Variants in KIR3DL1 observed in about 807,000 individuals in gnomAD.
The protein encoded by KIR3DL1 is killer cell immunoglobulin like receptor, three Ig domains and long cytoplasmic tail 1.
A neutral mutation model predicts 40.3 loss-of-function variants in KIR3DL1; 50 were observed. The ratio of observed to expected loss-of-function variants is 1.24; its 90% CI spans 0.99 to 1.57. KIR3DL1 has a LOEUF of 1.57. Among genes scored for constraint, KIR3DL1 ranks in the 40% most tolerant of loss-of-function variants. The pLI, the probability that KIR3DL1 is intolerant of heterozygous loss-of-function variation, is 0.00. For synonymous variants in KIR3DL1, 257 were observed against 207.2 expected (o/e 1.24, Z -2.07); for missense variants, 661 against 559.9 (o/e 1.18, Z -1.82).
intron 6 of KIR3DL1, 47 bp from the exon 7 acceptor site, chr19:54,829,314 A>G (rs764866513): frequency 7.4e-7 from 1 of 1,349,144 alleles, no homozygotes; most frequent in Non-Finnish European, 1.0e-6. Flanking sequence ...ATTCATATAG[A>G]GAAACTGCTA....
rs1460616438 is a variant in KIR3DL1 at position 54,830,153 on chromosome 19, G to A, written c.1213G>A (p.Val405Ile). The change falls in exon 9 of 9, where the codon GTT (valine) becomes ATT (isoleucine). Residue 405 changes from valine to isoleucine, a missense_variant. Val to Ile is a conservative substitution (Grantham distance 29). Around this residue, in one of 3 missense-constraint regions of KIR3DL1, gnomAD observed 107 missense variants for 129.4 expected, o/e 0.83. Coordinates refer to ENST00000391728, the Ensembl canonical transcript of KIR3DL1. ...GACATACGCACAGTTGGATCACTGC[G>A]TTTTCACACAGAGAAAAATCACTCG... 13 of 1,524,160 alleles carry A rather than the reference G, an allele frequency of 8.5e-6. 1 individual carries two copies. Among genetic ancestry groups the A allele is most frequent in the Admixed American group, 1.8e-5 (1 of 55,376 alleles). 94.4% of individuals were successfully genotyped at this position (1,524,160 alleles called of 1,614,324 possible). A position where few individuals can be genotyped will look rare whatever the true frequency, so the allele number is the denominator to read the frequency against.
At chr19:54,829,953 T>A in exon 8 of KIR3DL1, 1 of 1,528,886 alleles carries the variant, frequency 6.5e-7, no homozygotes, top group Non-Finnish European at 8.9e-7. Context: ...ACCAAGAGCC[T>A]GCAGGGAACA....
In KIR3DL1 at chr19:54,821,717, C is replaced by A. The variant is rs374761764; in HGVS notation, c.808C>A (p.Arg270Ser). ...CCATGAACGTAGGCTCCCTGCAGTGCGCAAGGTCAACAGAACATTCCAGGC... is the reference window on the plus strand; with the variant it reads ...CCATGAACGTAGGCTCCCTGCAGTGAGCAAGGTCAACAGAACATTCCAGGC... The change falls in exon 5 of 9, where the codon CGC becomes AGC. Residue 270 changes from arginine to serine, a missense_variant. Arg to Ser is a moderately radical substitution (Grantham distance 110). Coordinates refer to ENST00000391728, the Ensembl canonical transcript of KIR3DL1. 1.9e-5 allele frequency: 30 copies of A among 1,608,892 alleles called. No homozygotes were observed. The African/African-American group carries it at 4.0e-4, about 22-fold the overall frequency.
At position 54,818,385 on chromosome 19, in the gene KIR3DL1, T is replaced by TC; in HGVS notation, c.142dup (p.Arg48ProfsTer7). 1.2e-6 allele frequency: 2 copies of TC among 1,607,034 alleles called. No homozygotes were observed. Among genetic ancestry groups the TC allele is most frequent in the Non-Finnish European group, 1.7e-6 (2 of 1,178,236 alleles). On this transcript the variant is annotated frameshift_variant, in exon 3 of 9. Transcript: ENST00000391728. LOFTEE classifies it high-confidence loss of function. Reference sequence around the variant, plus strand: ...TGCCTCGAGGAGGACACGTGACTCTTCGGTGTCACTATCGTCATAGGTTTA... The same window carrying TC: ...TGCCTCGAGGAGGACACGTGACTCTTCCGGTGTCACTATCGTCATAGGTTTA...
chr19:54,823,500 T>C (rs535597666), intron 5 of KIR3DL1, among the ~76,000 whole-genome samples: 1 of 151,448 alleles, frequency 6.6e-6, no homozygotes, highest in Non-Finnish European at 1.5e-5. Context: ...TTATTTTATT[T>C]ATTTATTTAT....
At chr19:54,821,001 A>AGG in intron 4 of KIR3DL1, among the ~76,000 whole-genome samples, 1 of 135,028 alleles carries the variant, frequency 7.4e-6, no homozygotes, top group Non-Finnish European at 1.7e-5. Context: ...GATGATACAT[A>AGG]GAGATGACGA....
chr19:54,818,018 C>T (rs2061434933), intron 2 of KIR3DL1, among the ~76,000 whole-genome samples: 1 of 148,956 alleles, frequency 6.7e-6, no homozygotes, highest in Non-Finnish European at 1.5e-5. Context: ...GGCTGATATT[C>T]CATTCACATA....
chr19:54,821,348 G>T (rs2061622674), intron 4 of KIR3DL1, among the ~76,000 whole-genome samples: 2 of 150,974 alleles, frequency 1.3e-5, no homozygotes. Flanking sequence ...AATCCAAAAA[G>T]GGAAAACATA....
Position 54,827,469 on chromosome 19 carries a change from G to A in KIR3DL1, c.1001-1892G>A, listed in dbSNP as rs184337323. Among the ~76,000 whole-genome samples the A allele has an allele frequency of 4.3e-4, 64 of 150,174 alleles. 2 individuals carry two copies. Among genetic ancestry groups the A allele is most frequent in the Admixed American group, 1.2e-3 (18 of 15,132 alleles). ...TCTCCTAAAAATACAAAAATTAGCC[G>A]AGCATGGTGGTGCATCCCTGTAATC... On this transcript the variant is annotated intron_variant, in intron 6 of 8. Coordinates refer to ENST00000391728, the Ensembl canonical transcript of KIR3DL1.
At position 54,821,254 on chromosome 19, in the gene KIR3DL1, A is replaced by C. The variant is rs186431827; in HGVS notation, c.656-311A>C. On this transcript the variant is annotated intron_variant, in intron 4 of 8. Transcript: ENST00000391728. ...GATAGAAATGTGCAGAAAGTTATGAACAAGACAGAAAGTGAGAGACTCAAA... is the reference window on the plus strand; with the variant it reads ...GATAGAAATGTGCAGAAAGTTATGACCAAGACAGAAAGTGAGAGACTCAAA... Among the ~76,000 whole-genome samples, 358 of 151,118 alleles carry C rather than the reference A, an allele frequency of 2.4e-3. 9 individuals carry two copies. Among genetic ancestry groups the C allele is most frequent in the Non-Finnish European group, 1.9e-3 (131 of 67,846 alleles).
rs2062163387 is a variant in KIR3DL1 at position 54,830,386 on chromosome 19, C to A, written c.*111C>A. On this transcript the variant is annotated 3_prime_UTR_variant, in exon 9 of 9. Coordinates refer to ENST00000391728, the Ensembl canonical transcript of KIR3DL1. The stretch of plus-strand genomic sequence containing the variant: ...GCTGGAATCTGAAGGCGTGAGTCTT[C>A]ATCTTAGGGCATCGCTCCTCCTCAC... 3 of 1,223,506 alleles carry A rather than the reference C, an allele frequency of 2.5e-6. 1 individual carries two copies. 75.8% of individuals were successfully genotyped at this position (1,223,506 alleles called of 1,614,324 possible). A position where few individuals can be genotyped will look rare whatever the true frequency, so the allele number is the denominator to read the frequency against.
chr19:54,821,447 TGAGAGA>T, intron 4 of KIR3DL1, 112 bp from the exon 5 acceptor site: 3 of 1,120,514 alleles, frequency 2.7e-6, no homozygotes, highest in Middle Eastern at 3.1e-4. Flanking sequence ...GGGTGGAGGG[TGAGAGA>T]GAGAGAGAGA....
chr19:54,825,448 T>C (rs1281366711), intron 6 of KIR3DL1, among the ~76,000 whole-genome samples: 2 of 150,148 alleles, frequency 1.3e-5, no homozygotes, highest in Non-Finnish European at 2.9e-5. Flanking sequence ...TTAGAGAAGT[T>C]CCACTTGCCA....
chr19:54,828,173 C>A (rs1383771268), intron 6 of KIR3DL1, among the ~76,000 whole-genome samples: 1 of 151,004 alleles, frequency 6.6e-6, no homozygotes, highest in Non-Finnish European at 1.5e-5. Flanking sequence ...CGGGCTTCAA[C>A]ACTATTTTCT....
In KIR3DL1 at chr19:54,819,626, C is replaced by G. The variant is rs987726061; in HGVS notation, c.356-87C>G. On this transcript the variant is annotated intron_variant, in intron 3 of 8. Coordinates refer to ENST00000391728, the Ensembl canonical transcript of KIR3DL1. ...CAGAGAGGGAGGAGAGAGACAGACA[C>G]GGGGAGGGGAACCCTCACTCATTCC... is the stretch of plus-strand genomic sequence containing the variant. 6.9e-6 allele frequency: 10 copies of G among 1,449,354 alleles called. No homozygotes were observed. In the South Asian group the frequency reaches 1.0e-4, roughly 15 times the overall value. 89.8% of individuals were successfully genotyped at this position (1,449,354 alleles called of 1,614,324 possible).
At chr19:54,824,340 G>T (rs773717738) in intron 5 of KIR3DL1, among the ~76,000 whole-genome samples, 19 of 151,442 alleles carry the variant, frequency 1.3e-4, no homozygotes, top group African/African-American at 3.2e-4. Flanking sequence ...TTATTGAAAA[G>T]ACTGTCCTTT....
chr19:54,821,860 T>C lies in KIR3DL1; in HGVS notation c.949+2T>C, dbSNP rs1281722171. On this transcript the variant is annotated splice_donor_variant, in intron 5 of 8. Transcript: ENST00000391728. LOFTEE classifies it high-confidence loss of function. ...ACCCACTGCTTGTTTCTGTCACAGG[T>C]GAGAAAAGCCCATATCTCTCTCATG... The C allele has an allele frequency of 6.3e-7, 1 of 1,599,278 alleles. No individual in the cohort carries two copies. Among genetic ancestry groups the C allele is most frequent in the East Asian group, 2.2e-5 (1 of 44,524 alleles).
chr19:54,822,423 G>C (rs1197477658), intron 5 of KIR3DL1, among the ~76,000 whole-genome samples: 6 of 151,078 alleles, frequency 4.0e-5, no homozygotes, highest in African/African-American at 1.2e-4. Context: ...TCAGGAACTC[G>C]AGATCACCCT....
At chr19:54,829,967 C>A in exon 8 of KIR3DL1, 1 of 1,484,844 alleles carries the variant, frequency 6.7e-7, no homozygotes, top group Non-Finnish European at 9.1e-7. Flanking sequence ...GGGAACAGAA[C>A]AGCCAACAGC....
Sources: gnomAD v4.1 joint callset for allele counts (sites outside exome capture counted in the v4.1 genomes callset) on GRCh38, gnomAD v4.1.1 for gene constraint, gnomAD v4.1.1 regional missense constraint, MANE v1.5 for transcripts, NCBI Gene and HGNC (gene_info 2026-07-23, HGNC 2026-07-21) for gene names.